Variants in CNTN4 observed in about 807,000 individuals in gnomAD.
CNTN4 encodes the protein contactin 4.
A neutral mutation model predicts 122.5 loss-of-function variants in CNTN4; 77 were observed. That is an observed-to-expected ratio of 0.63 (90% CI 0.52 to 0.76). CNTN4 has a LOEUF of 0.76. Ranked by LOEUF, CNTN4 falls within the 30% of genes least tolerant of loss-of-function variation. The pLI, the probability that CNTN4 is intolerant of heterozygous loss-of-function variation, is 0.00. For synonymous variants in CNTN4, 512 were observed against 447.0 expected (o/e 1.15, Z -1.83); for missense variants, 1,256 against 1,259.1 (o/e 1.00, Z 0.04).
At chr3:2,334,540 A>G (rs905960425) in intron 2 of CNTN4, among the ~76,000 whole-genome samples, 1 of 144,728 alleles carries the variant, frequency 6.9e-6, no homozygotes, top group Non-Finnish European at 1.5e-5. Flanking sequence ...ACAAGAGGTT[A>G]TATAACTTGG....
chr3:2,361,810 C>T (rs2150550361), intron 3 of CNTN4, among the ~76,000 whole-genome samples: 1 of 152,274 alleles, frequency 6.6e-6, no homozygotes, highest in South Asian at 2.1e-4. Flanking sequence ...TTGATAGGCC[C>T]TGCGAATCTG....
chr3:2,969,662 G>T (rs1382834010), intron 13 of CNTN4, among the ~76,000 whole-genome samples: 5 of 152,090 alleles, frequency 3.3e-5, no homozygotes, highest in African/African-American at 1.2e-4. Flanking sequence ...TTATCACACA[G>T]CCTTTTATAT....
chr3:2,489,085 T>C (rs2076242807), intron 3 of CNTN4, among the ~76,000 whole-genome samples: 1 of 152,238 alleles, frequency 6.6e-6, no homozygotes, highest in African/African-American at 2.4e-5. Context: ...GTTTTTAATG[T>C]TGAAATATTT....
intron 3 of CNTN4, among the ~76,000 whole-genome samples, chr3:2,417,879 T>C (rs1361151729): frequency 6.6e-6 from 1 of 152,156 alleles, no homozygotes; most frequent in East Asian, 1.9e-4. Flanking sequence ...AAAGCCAATC[T>C]GGGAAAAAAG....
At chr3:2,897,664 G>A (rs1376913665) in intron 10 of CNTN4, among the ~76,000 whole-genome samples, 2 of 152,088 alleles carry the variant, frequency 1.3e-5, no homozygotes, top group East Asian at 1.9e-4. Flanking sequence ...CAGCCTGAAG[G>A]TAATTTATGC....
At chr3:2,215,144 A>G (rs2149460211) in intron 2 of CNTN4, among the ~76,000 whole-genome samples, 1 of 152,276 alleles carries the variant, frequency 6.6e-6, no homozygotes, top group African/African-American at 2.4e-5. Flanking sequence ...TTCCAAAGTG[A>G]ATGTTTCCTT....
At chr3:2,285,049 G>A (rs2041852912) in intron 2 of CNTN4, among the ~76,000 whole-genome samples, 1 of 151,796 alleles carries the variant, frequency 6.6e-6, no homozygotes, top group Non-Finnish European at 1.5e-5. Flanking sequence ...TAAAAAGAGA[G>A]ACAAATGATA....
At chr3:2,656,141 T>A (rs564615432) in intron 4 of CNTN4, among the ~76,000 whole-genome samples, 30 of 152,174 alleles carry the variant, frequency 2.0e-4, no homozygotes, top group African/African-American at 7.2e-4. Context: ...TTTAAAACAA[T>A]TAAAAGAGAA....
chr3:2,175,921 AT>A (rs1238199837), intron 2 of CNTN4, among the ~76,000 whole-genome samples: 1 of 152,210 alleles, frequency 6.6e-6, no homozygotes, highest in African/African-American at 2.4e-5. Context: ...GGAGAAGATT[AT>A]CTGCCCTCTT....
chr3:2,683,255 C>A (rs1031738694), intron 4 of CNTN4, among the ~76,000 whole-genome samples: 15 of 151,974 alleles, frequency 9.9e-5, no homozygotes, highest in African/African-American at 3.6e-4. Flanking sequence ...GATAAGGCTG[C>A]TGACTTGAAA....
At chr3:3,002,023 T>A (rs919934995) in intron 14 of CNTN4, among the ~76,000 whole-genome samples, 5 of 152,202 alleles carry the variant, frequency 3.3e-5, no homozygotes, top group Non-Finnish European at 7.3e-5. Flanking sequence ...GGTTGTCACC[T>A]TTCACCAGGA....
chr3:2,947,361 T>A, intron 13 of CNTN4, among the ~76,000 whole-genome samples: 1 of 152,220 alleles, frequency 6.6e-6, no homozygotes, highest in East Asian at 1.9e-4. Context: ...CATTCATTTT[T>A]ATGACCTGCT....
chr3:2,256,609 CAT>C (rs552965494), intron 2 of CNTN4, among the ~76,000 whole-genome samples: 15 of 152,298 alleles, frequency 9.8e-5, no homozygotes, highest in African/African-American at 3.6e-4. Context: ...AAGTCATCTT[CAT>C]CACTGGGATG....
intron 14 of CNTN4, among the ~76,000 whole-genome samples, chr3:3,004,190 G>T (rs762957832): frequency 6.6e-6 from 1 of 152,042 alleles, no homozygotes; most frequent in Admixed American, 6.5e-5. Context: ...CAAAAAGGAA[G>T]TAATGAAGCA....
At chr3:2,793,852 A>G (rs1050163264) in intron 6 of CNTN4, among the ~76,000 whole-genome samples, 1 of 152,236 alleles carries the variant, frequency 6.6e-6, no homozygotes, top group Non-Finnish European at 1.5e-5. Flanking sequence ...AAGGGCCCAC[A>G]TAGCATTCAG....
chr3:2,729,235 A>G (rs2088463921), intron 4 of CNTN4, among the ~76,000 whole-genome samples: 1 of 152,180 alleles, frequency 6.6e-6, no homozygotes, highest in Non-Finnish European at 1.5e-5. Flanking sequence ...AGAACTCTGC[A>G]GGGTAGTTTT....
chr3:2,559,127 A>G (rs1399603217), intron 3 of CNTN4, among the ~76,000 whole-genome samples: 1 of 152,182 alleles, frequency 6.6e-6, no homozygotes, highest in Non-Finnish European at 1.5e-5. Context: ...ACAATAAATA[A>G]CTTTTTAAAA....
At chr3:2,764,132 G>A (rs1576700876) in intron 6 of CNTN4, among the ~76,000 whole-genome samples, 1 of 152,100 alleles carries the variant, frequency 6.6e-6, no homozygotes, top group African/African-American at 2.4e-5. Flanking sequence ...ACTCTGTGCT[G>A]GGCAGATAAA....
At chr3:2,128,804 A>C (rs894934113) in intron 2 of CNTN4, among the ~76,000 whole-genome samples, 7 of 152,206 alleles carry the variant, frequency 4.6e-5, no homozygotes, top group African/African-American at 1.7e-4. Flanking sequence ...TATTAAAGAA[A>C]ACCATAAAGA....
Sources: allele counts gnomAD v4.1 joint callset (sites outside exome capture counted in the v4.1 genomes callset), GRCh38; gene constraint gnomAD v4.1.1; transcripts MANE v1.5; gene names NCBI Gene and HGNC (gene_info 2026-07-23, HGNC 2026-07-21).